The following EFR3B variants were observed in gnomAD, a reference collection of about 807,000 sequenced individuals.
EFR3B encodes the protein protein EFR3 homolog B.
Under a neutral mutation model 104.7 loss-of-function variants are expected in EFR3B, and 64 were observed. The ratio of observed to expected loss-of-function variants is 0.61; its 90% CI spans 0.50 to 0.75. EFR3B has a LOEUF of 0.75. EFR3B is among the 30% of genes least tolerant of loss of function. The probability of loss-of-function intolerance (pLI) is 0.00; values close to 1 mark genes in which losing one functional copy is unlikely to be tolerated. For synonymous variants in EFR3B, 385 were observed against 417.9 expected, an observed-to-expected ratio of 0.92 and a Z score of 0.96; for missense variants, 750 against 1,078.5, an observed-to-expected ratio of 0.70 and a Z score of 4.27.
chr2:25,054,804 C>T (rs1460116453), intron 1 of EFR3B, among the ~76,000 whole-genome samples: 1 of 152,138 alleles, frequency 6.6e-6, no homozygotes, highest in Non-Finnish European at 1.5e-5. Context: ...GCTGTCTGTC[C>T]ACCCTGAGAG....
chr2:25,094,039 C>T (rs1013075146), intron 3 of EFR3B, among the ~76,000 whole-genome samples: 2 of 152,028 alleles, frequency 1.3e-5, no homozygotes, highest in Non-Finnish European at 2.9e-5. Flanking sequence ...ATAATCCCAG[C>T]ACTTTAGGAG....
chr2:25,051,794 C>G (rs1389744543), intron 1 of EFR3B, among the ~76,000 whole-genome samples: 1 of 151,434 alleles, frequency 6.6e-6, no homozygotes, highest in African/African-American at 2.4e-5. Context: ...CACCACCACT[C>G]CTGCCTGGTT....
At chr2:25,046,117 GGCTCAC>G (rs1214548401) in intron 1 of EFR3B, among the ~76,000 whole-genome samples, 1 of 152,160 alleles carries the variant, frequency 6.6e-6, no homozygotes, top group Non-Finnish European at 1.5e-5. Context: ...TGGGCACAGT[GGCTCAC>G]GCCTGTAATC....
At chr2:25,111,631 G>A (rs1669727687) in intron 4 of EFR3B, among the ~76,000 whole-genome samples, 1 of 152,216 alleles carries the variant, frequency 6.6e-6, no homozygotes, top group Admixed American at 6.5e-5. Context: ...TCGAGCTGGG[G>A]GAGATTATCC....
intron 1 of EFR3B, among the ~76,000 whole-genome samples, chr2:25,079,532 G>A (rs563736481): frequency 9.2e-5 from 14 of 152,274 alleles, no homozygotes; most frequent in African/African-American, 3.4e-4. Context: ...TAAAGTGCTT[G>A]TCCTAGTGCT....
intron 1 of EFR3B, among the ~76,000 whole-genome samples, chr2:25,063,999 T>C (rs1573173941): frequency 2.0e-5 from 3 of 152,346 alleles, no homozygotes; most frequent in African/African-American, 7.2e-5. Context: ...GAGTGGGTCT[T>C]GGCTCTGATT....
At chr2:25,077,329 C>G (rs1184696602) in intron 1 of EFR3B, among the ~76,000 whole-genome samples, 1 of 152,140 alleles carries the variant, frequency 6.6e-6, no homozygotes, top group African/African-American at 2.4e-5. Flanking sequence ...CTGTTGTCGC[C>G]TATGCTGGAG....
Position 25,128,211 on chromosome 2 carries a change from C to G in EFR3B, c.514C>G (p.Gln172Glu). ...KIRMSGIKGLQGVVRKTVNDE... is the reference protein window; with the variant it reads ...KIRMSGIKGLEGVVRKTVNDE... ...TCGAATGTCAGGCATCAAAGGCCTG[C>G]AAGGGGTGGTGAGGAAGACGGTGAA... The change falls in exon 6 of 23, where the codon CAA becomes GAA. Residue 172 changes from glutamine (Q) to glutamate (E), a missense_variant. Coordinates refer to ENST00000403714, the MANE Select transcript of EFR3B (RefSeq NM_014971.2). The G allele has an allele frequency of 6.4e-7, 1 of 1,551,766 alleles. No homozygotes were observed. The highest frequency in any genetic ancestry group is 8.7e-7 in the Non-Finnish European group (1 of 1,146,998).
intron 3 of EFR3B, among the ~76,000 whole-genome samples, chr2:25,097,924 C>T (rs1669328924): frequency 6.6e-6 from 1 of 152,082 alleles, no homozygotes; most frequent in Non-Finnish European, 1.5e-5. Flanking sequence ...GAGCTCTCAC[C>T]CAGCCAGGAC....
intron 4 of EFR3B, among the ~76,000 whole-genome samples, chr2:25,113,997 T>G (rs1669794225): frequency 6.6e-6 from 1 of 152,158 alleles, no homozygotes; most frequent in Admixed American, 6.5e-5. Flanking sequence ...TCCAAACCCC[T>G]TCTTGTAATC....
At chr2:25,129,946 C>T in intron 6 of EFR3B, 29 bp from the exon 7 acceptor site, 1 of 1,550,222 alleles carries the variant, frequency 6.5e-7, no homozygotes. Context: ...TGCATGCCAC[C>T]CTCTACCCAT....
intron 1 of EFR3B, among the ~76,000 whole-genome samples, chr2:25,071,045 C>A (rs981926645): frequency 2.6e-5 from 4 of 151,682 alleles, no homozygotes; most frequent in African/African-American, 9.7e-5. Flanking sequence ...ACTGCAAGCT[C>A]CGCCTCCCGG....
chr2:25,089,402 A>G (rs13413904), intron 1 of EFR3B, among the ~76,000 whole-genome samples: 21,304 of 152,170 alleles, frequency 0.14, 3,164 homozygotes, highest in African/African-American at 0.36. Context: ...GTTTCAAGGC[A>G]GGAACTGACA....
intron 1 of EFR3B, among the ~76,000 whole-genome samples, chr2:25,067,426 GTTTTTTT>G (rs111972158): frequency 2.0e-4 from 29 of 142,818 alleles, no homozygotes; most frequent in African/African-American, 6.4e-4. Context: ...TTTAGTTTTT[GTTTTTTT>G]TTTTTTGTTT....
chr2:25,120,359 A>G (rs888147299), intron 4 of EFR3B, among the ~76,000 whole-genome samples: 4 of 151,116 alleles, frequency 2.6e-5, no homozygotes, highest in Admixed American at 6.6e-5. Context: ...TCAAAAAAAA[A>G]CCCTGGCCGG....
intron 1 of EFR3B, among the ~76,000 whole-genome samples, chr2:25,074,698 A>G (rs986495488): frequency 2.1e-5 from 3 of 145,940 alleles, no homozygotes; most frequent in African/African-American, 7.6e-5. Context: ...GCTCACTGCA[A>G]CCTCCGTCTC....
chr2:25,130,673 C>A lies in EFR3B; in HGVS notation c.849+43C>A. The stretch of plus-strand genomic sequence containing the variant: ...GGCCAGCCGGATCCCAGGACAAAGG[C>A]CTCTCTAGAAGCTAGACGGGTGCTA... On this transcript the variant is annotated intron_variant, in intron 8 of 22. Coordinates refer to ENST00000403714, the MANE Select transcript of EFR3B (RefSeq NM_014971.2). This position sits in a 1 kb window ranked among gnomAD's most constrained non-coding sequence, Gnocchi z 4.6. The A allele has an allele frequency of 1.3e-6, 2 of 1,504,824 alleles. No homozygotes were observed. Among genetic ancestry groups the A allele is most frequent in the South Asian group, 1.2e-5 (1 of 83,140 alleles). The allele number at this position is 1,504,824 out of a possible 1,614,324, so 93.2% of individuals were successfully genotyped here. A position where few individuals can be genotyped will look rare whatever the true frequency, so the allele number is the denominator to read the frequency against.
chr2:25,118,539 C>A (rs1025714353), intron 4 of EFR3B, among the ~76,000 whole-genome samples: 2 of 151,446 alleles, frequency 1.3e-5, no homozygotes, highest in Non-Finnish European at 2.9e-5. Flanking sequence ...ATGTAATTAC[C>A]ACAGAAAGGA....
chr2:25,130,358 A>G lies in EFR3B; in HGVS notation c.771-194A>G, dbSNP rs2149205025. Among the ~76,000 whole-genome samples the G allele has an allele frequency of 6.6e-6, 1 of 152,322 alleles. No homozygotes were observed. The highest frequency in any genetic ancestry group is 2.4e-5 in the African/African-American group (1 of 41,590). On this transcript the variant is annotated intron_variant, in intron 7 of 22. Coordinates refer to ENST00000403714, the MANE Select transcript of EFR3B (RefSeq NM_014971.2). The surrounding 1 kb of genome is among the most constrained non-coding windows in gnomAD (Gnocchi z 4.6). ...GCCCAGCTTCACCACACACATCCAC[A>G]ACTGCAGAGCGCTGTCCTTGGCCTC...
Sources: gnomAD v4.1 joint callset for allele counts (sites outside exome capture counted in the v4.1 genomes callset) on GRCh38, gnomAD v4.1.1 for gene constraint, Gnocchi (gnomAD v3.1) non-coding constraint, MANE v1.5 for transcripts, NCBI Gene and HGNC (gene_info 2026-07-23, HGNC 2026-07-21) for gene names.